The following INPP4B variants were observed in gnomAD, a reference collection of about 807,000 sequenced individuals.
INPP4B encodes the protein inositol polyphosphate 4-phosphatase type II.
Under a neutral mutation model 122.5 loss-of-function variants are expected in INPP4B, and 55 were observed. That is an observed-to-expected ratio of 0.45 (90% CI 0.36 to 0.56). The LOEUF is 0.56. Ranked by LOEUF, INPP4B falls within the 20% of genes least tolerant of loss-of-function variation. The pLI is 0.00. For missense variants in INPP4B, 1,000 were observed against 1,097.7 expected (o/e 0.91, Z 1.26); for synonymous variants, 403 against 388.7 (o/e 1.04, Z -0.43).
At chr4:142,241,081 A>G (rs1365985026) in intron 11 of INPP4B, among the ~76,000 whole-genome samples, 1 of 152,220 alleles carries the variant, frequency 6.6e-6, no homozygotes. Context: ...AACTGTGTGA[A>G]TGACTTTCAT....
At chr4:142,236,973 A>G (rs1856938182) in intron 12 of INPP4B, among the ~76,000 whole-genome samples, 1 of 152,214 alleles carries the variant, frequency 6.6e-6, no homozygotes, top group African/African-American at 2.4e-5. Flanking sequence ...ATTTTATATA[A>G]GGTAGCATTC....
At chr4:142,159,957 C>T (rs1819287899) in intron 17 of INPP4B, among the ~76,000 whole-genome samples, 1 of 151,984 alleles carries the variant, frequency 6.6e-6, no homozygotes, top group African/African-American at 2.4e-5. Context: ...TTAAAAAGTA[C>T]TTCCAGAACC....
chr4:142,767,865 T>G (rs1185363870), intron 1 of INPP4B: 2 of 152,186 alleles, frequency 1.3e-5, no homozygotes, highest in Admixed American at 1.3e-4. Flanking sequence ...AGGGTTGCCC[T>G]GAGAATGTTA....
chr4:142,495,669 G>A (rs1214884957), intron 2 of INPP4B, among the ~76,000 whole-genome samples: 1 of 152,034 alleles, frequency 6.6e-6, no homozygotes, highest in Non-Finnish European at 1.5e-5. Context: ...CACCATTACC[G>A]ATTTTACCAC....
intron 2 of INPP4B, among the ~76,000 whole-genome samples, chr4:142,584,365 T>C (rs950528813): frequency 6.6e-6 from 1 of 152,166 alleles, no homozygotes; most frequent in Non-Finnish European, 1.5e-5. Flanking sequence ...TCAGACTTTA[T>C]GCAGATTTTC....
At chr4:142,362,459 G>A (rs1785786712) in intron 7 of INPP4B, among the ~76,000 whole-genome samples, 1 of 152,084 alleles carries the variant, frequency 6.6e-6, no homozygotes, top group South Asian at 2.1e-4. Context: ...TTTTCAGGGA[G>A]GGTGGGCTAG....
At chr4:142,251,893 C>T (rs1419370813) in intron 11 of INPP4B, among the ~76,000 whole-genome samples, 1 of 152,146 alleles carries the variant, frequency 6.6e-6, no homozygotes, top group African/African-American at 2.4e-5. Context: ...TATGTCACTG[C>T]TTAAATGTAC....
intron 25 of INPP4B, among the ~76,000 whole-genome samples, chr4:142,070,186 G>T (rs538476160): frequency 1.3e-5 from 2 of 152,190 alleles, no homozygotes; most frequent in African/African-American, 4.8e-5. Flanking sequence ...TTCAACATAC[G>T]CAAATTAATA....
chr4:142,559,936 G>A (rs1025092714), intron 2 of INPP4B, among the ~76,000 whole-genome samples: 1 of 152,028 alleles, frequency 6.6e-6, no homozygotes, highest in Non-Finnish European at 1.5e-5. Context: ...AAAAATCTAC[G>A]ATAAGAATAG....
intron 3 of INPP4B, 35 bp from the exon 4 acceptor site, chr4:142,431,420 T>C: frequency 3.3e-6 from 2 of 613,432 alleles, no homozygotes; most frequent in Non-Finnish European, 5.8e-6. Flanking sequence ...TTCAGTCATA[T>C]TGGAGTTCAG....
At chr4:142,269,858 T>C (rs544863405) in intron 10 of INPP4B, among the ~76,000 whole-genome samples, 10 of 152,168 alleles carry the variant, frequency 6.6e-5, no homozygotes, top group Non-Finnish European at 1.5e-4. Context: ...AAAAATAATT[T>C]TTTAAAATGC....
chr4:142,393,687 G>T (rs762292132), intron 7 of INPP4B, among the ~76,000 whole-genome samples: 1 of 152,216 alleles, frequency 6.6e-6, no homozygotes, highest in Non-Finnish European at 1.5e-5. Context: ...AGGAGTATGT[G>T]TCTGCAACAA....
At chr4:142,037,507 A>C (rs1744720252) in intron 25 of INPP4B, among the ~76,000 whole-genome samples, 1 of 152,150 alleles carries the variant, frequency 6.6e-6, no homozygotes, top group African/African-American at 2.4e-5. Flanking sequence ...ATAGCTATTC[A>C]AGCTTCCCAA....
intron 23 of INPP4B, among the ~76,000 whole-genome samples, chr4:142,100,107 G>C (rs956812427): frequency 2.0e-5 from 3 of 152,108 alleles, no homozygotes; most frequent in African/African-American, 7.2e-5. Context: ...CGATGATGCT[G>C]ATCAATCGCT....
In INPP4B at chr4:142,443,052, C is replaced by T. The variant is rs148114833; in HGVS notation, c.-126-11667G>A. On this transcript the variant is annotated intron_variant, in intron 3 of 25. Coordinates refer to ENST00000262992, the MANE Select transcript of INPP4B (RefSeq NM_001101669.3). ...CCATGATTCAATTATCTCCACCTGG[C>T]TCTGCCCTTGACACATAGGGATTAT... Among the ~76,000 whole-genome samples the T allele has an allele frequency of 9.2e-5, 14 of 152,218 alleles. No individual in the cohort carries two copies. In the East Asian group the frequency reaches 1.7e-3, roughly 19 times the overall value.
At chr4:142,366,949 G>C (rs1787717324) in intron 7 of INPP4B, among the ~76,000 whole-genome samples, 1 of 152,116 alleles carries the variant, frequency 6.6e-6, no homozygotes, top group African/African-American at 2.4e-5. Flanking sequence ...GAAGGTCAAA[G>C]GATGCAAGAA....
rs376816965 is a variant in INPP4B at position 142,730,873 on chromosome 4, C to T, written c.-253-4972G>A. Among the ~76,000 whole-genome samples the T allele has an allele frequency of 4.6e-5, 7 of 152,260 alleles. No individual in the cohort carries two copies. The East Asian group carries it at 5.8e-4, about 13-fold the overall frequency. On this transcript the variant is annotated intron_variant, in intron 1 of 25. Coordinates refer to ENST00000262992, the MANE Select transcript of INPP4B (RefSeq NM_001101669.3). The stretch of plus-strand genomic sequence containing the variant: ...AATATCTATTAATGTAGGTAGACAG[C>T]GTTGACTTATGTGGCATAATATCCT...
At chr4:142,198,980 T>C (rs910186503) in intron 14 of INPP4B, among the ~76,000 whole-genome samples, 1 of 152,060 alleles carries the variant, frequency 6.6e-6, no homozygotes, top group African/African-American at 2.4e-5. Context: ...CTTTGTGTAA[T>C]GTATCCAGCT....
chr4:142,058,246 T>C (rs6851459), intron 25 of INPP4B, among the ~76,000 whole-genome samples: 311 of 152,212 alleles, frequency 2.0e-3, no homozygotes, highest in Non-Finnish European at 3.9e-3. Context: ...AATATTTAAA[T>C]TGAGGGTAAT....
Sources: allele counts gnomAD v4.1 joint callset (sites outside exome capture counted in the v4.1 genomes callset), GRCh38; gene constraint gnomAD v4.1.1; transcripts MANE v1.5; gene names NCBI Gene and HGNC (gene_info 2026-07-23, HGNC 2026-07-21).